Variants in LRRTM4 observed in about 807,000 individuals in gnomAD.
The protein encoded by LRRTM4 is leucine-rich repeat transmembrane neuronal protein 4.
Under a neutral mutation model 47.6 loss-of-function variants are expected in LRRTM4, and 25 were observed. That is an observed-to-expected ratio of 0.53 (90% CI 0.38 to 0.73). LRRTM4 has a LOEUF of 0.73. Among genes scored for constraint, LRRTM4 ranks in the 30% least tolerant of loss-of-function variants. The pLI, the probability that LRRTM4 is intolerant of heterozygous loss-of-function variation, is 0.00. For missense variants in LRRTM4, 638 were observed against 713.4 expected, an observed-to-expected ratio of 0.89 and a Z score of 1.20; for synonymous variants, 311 against 269.5, an observed-to-expected ratio of 1.15 and a Z score of -1.51.
chr2:77,119,368 C>T (rs1671468021), intron 3 of LRRTM4, among the ~76,000 whole-genome samples: 1 of 151,756 alleles, frequency 6.6e-6, no homozygotes, highest in Non-Finnish European at 1.5e-5. Flanking sequence ...GTACAATTTT[C>T]TCCCAGTTGA....
chr2:77,403,521 T>C (rs910531774), intron 3 of LRRTM4, among the ~76,000 whole-genome samples: 4 of 151,944 alleles, frequency 2.6e-5, no homozygotes, highest in South Asian at 4.1e-4. Context: ...AATATGTATA[T>C]AAACATATAT....
chr2:77,012,820 C>T (rs1677923202), intron 3 of LRRTM4, among the ~76,000 whole-genome samples: 1 of 152,128 alleles, frequency 6.6e-6, no homozygotes. Context: ...ACAAGGATTG[C>T]TTTGCTGGTT....
intron 3 of LRRTM4, among the ~76,000 whole-genome samples, chr2:77,084,163 T>G (rs1051677800): frequency 6.6e-6 from 1 of 152,146 alleles, no homozygotes; most frequent in South Asian, 2.1e-4. Context: ...CGATAATATA[T>G]GAACAGAAAG....
At chr2:76,834,123 C>G (rs889840341) in intron 3 of LRRTM4, among the ~76,000 whole-genome samples, 1 of 151,680 alleles carries the variant, frequency 6.6e-6, no homozygotes, top group Admixed American at 6.6e-5. Context: ...TCACTGCAAC[C>G]TCTCCCTCCC....
chr2:77,286,961 CT>C (rs1369421819), intron 3 of LRRTM4, among the ~76,000 whole-genome samples: 2 of 152,034 alleles, frequency 1.3e-5, no homozygotes, highest in African/African-American at 4.8e-5. Flanking sequence ...TTTCCTTCTT[CT>C]AGTCTGGGAG....
chr2:77,157,549 C>A (rs1672592245), intron 3 of LRRTM4, among the ~76,000 whole-genome samples: 1 of 151,864 alleles, frequency 6.6e-6, no homozygotes. Flanking sequence ...AGAAACTTTT[C>A]TTAAACGTAT....
At chr2:77,156,112 A>G (rs911505988) in intron 3 of LRRTM4, among the ~76,000 whole-genome samples, 7 of 152,132 alleles carry the variant, frequency 4.6e-5, no homozygotes, top group African/African-American at 1.7e-4. Flanking sequence ...TCTGAAAGGT[A>G]TATTTATGTG....
At chr2:77,240,856 T>C (rs895171049) in intron 3 of LRRTM4, among the ~76,000 whole-genome samples, 2 of 151,956 alleles carry the variant, frequency 1.3e-5, no homozygotes, top group African/African-American at 4.8e-5. Flanking sequence ...ACAAAATGTG[T>C]ACAAAATCTG....
At chr2:77,041,030 A>G (rs1679012153) in intron 3 of LRRTM4, among the ~76,000 whole-genome samples, 1 of 151,312 alleles carries the variant, frequency 6.6e-6, no homozygotes, top group Non-Finnish European at 1.5e-5. Context: ...TCTTTCTCCT[A>G]TCTAACTGTA....
intron 3 of LRRTM4, among the ~76,000 whole-genome samples, chr2:77,177,141 G>A (rs968347052): frequency 6.6e-6 from 1 of 152,096 alleles, no homozygotes; most frequent in African/African-American, 2.4e-5. Context: ...CTCTACCTAT[G>A]GAGTAGCCAC....
intron 3 of LRRTM4, among the ~76,000 whole-genome samples, chr2:77,177,833 A>C (rs1673241365): frequency 6.6e-6 from 1 of 152,190 alleles, no homozygotes. Flanking sequence ...AGCTGATGCT[A>C]CCAGGCCTTT....
intron 3 of LRRTM4, among the ~76,000 whole-genome samples, chr2:77,173,846 A>G (rs1052932548): frequency 2.6e-5 from 4 of 152,058 alleles, no homozygotes; most frequent in African/African-American, 9.7e-5. Context: ...TTCCTATCCT[A>G]GAAAACCAGT....
At chr2:77,101,619 C>A (rs1339786590) in intron 3 of LRRTM4, among the ~76,000 whole-genome samples, 1 of 152,168 alleles carries the variant, frequency 6.6e-6, no homozygotes, top group East Asian at 1.9e-4. Context: ...CCTGGCAGTC[C>A]AAAGCCCATC....
intron 3 of LRRTM4, among the ~76,000 whole-genome samples, chr2:77,179,737 ACTGATTT>A (rs1558621169): frequency 6.6e-6 from 1 of 152,162 alleles, no homozygotes; most frequent in South Asian, 2.1e-4. Flanking sequence ...CTAAGACAAG[ACTGATTT>A]CTTATCAGCA....
intron 3 of LRRTM4, among the ~76,000 whole-genome samples, chr2:77,014,142 G>T (rs1267499158): frequency 2.6e-5 from 4 of 152,062 alleles, no homozygotes; most frequent in Non-Finnish European, 4.4e-5. Context: ...TACAGGCTAT[G>T]GATTAGCAAG....
chr2:77,157,844 G>A (rs769135536), intron 3 of LRRTM4, among the ~76,000 whole-genome samples: 6 of 152,132 alleles, frequency 3.9e-5, no homozygotes, highest in Non-Finnish European at 7.3e-5. Flanking sequence ...AGAGGAACAT[G>A]AGCTATATTA....
chr2:76,902,608 T>A (rs1459203041), intron 3 of LRRTM4, among the ~76,000 whole-genome samples: 5 of 152,174 alleles, frequency 3.3e-5, no homozygotes, highest in Non-Finnish European at 7.3e-5. Flanking sequence ...GACCAGAGGC[T>A]GTAATGGGGT....
intron 3 of LRRTM4, among the ~76,000 whole-genome samples, chr2:77,392,192 C>G (rs1008845575): frequency 6.6e-6 from 1 of 152,014 alleles, no homozygotes; most frequent in Non-Finnish European, 1.5e-5. Context: ...TATCTTAACT[C>G]AAGCTGTTTT....
At chr2:77,056,291 A>C (rs1043873454) in intron 3 of LRRTM4, among the ~76,000 whole-genome samples, 3 of 152,222 alleles carry the variant, frequency 2.0e-5, no homozygotes, top group Admixed American at 1.3e-4. Flanking sequence ...TCTATGAAAT[A>C]AACTTGCTTC....
Sources: gnomAD v4.1 joint callset for allele counts (sites outside exome capture counted in the v4.1 genomes callset) on GRCh38, gnomAD v4.1.1 for gene constraint, MANE v1.5 for transcripts, NCBI Gene and HGNC (gene_info 2026-07-23, HGNC 2026-07-21) for gene names.